The following NXPH1 variants were observed in gnomAD, a reference collection of about 807,000 sequenced individuals.
The protein encoded by NXPH1 is neurexophilin 1.
NXPH1 carries 5 observed loss-of-function variants against 23.7 expected under a neutral mutation model. That is an observed-to-expected ratio of 0.21 (90% CI 0.11 to 0.44). NXPH1 has a LOEUF of 0.44. NXPH1 is among the 20% of genes least tolerant of loss of function. The pLI is 0.99. For synonymous variants in NXPH1, 144 were observed against 122.2 expected (o/e 1.18, Z -1.18); for missense variants, 324 against 321.6 (o/e 1.01, Z -0.06).
intron 2 of NXPH1, among the ~76,000 whole-genome samples, chr7:8,680,816 C>A (rs2115176378): frequency 6.6e-6 from 1 of 152,320 alleles, no homozygotes; most frequent in East Asian, 1.9e-4. Context: ...TGATCAGCAT[C>A]TTTTATATGC....
intron 2 of NXPH1, among the ~76,000 whole-genome samples, chr7:8,547,797 C>T (rs1474253492): frequency 6.6e-6 from 1 of 151,488 alleles, no homozygotes; most frequent in African/African-American, 2.4e-5. Flanking sequence ...TAATGACCTC[C>T]ACCTCCATCC....
At chr7:8,583,512 CATTATT>C (rs368929886) in intron 2 of NXPH1, among the ~76,000 whole-genome samples, 11 of 152,186 alleles carry the variant, frequency 7.2e-5, no homozygotes, top group Non-Finnish European at 1.3e-4. Context: ...TGTTTGCTAT[CATTATT>C]ATTATTATTA....
At chr7:8,551,930 T>C (rs1171224449) in intron 2 of NXPH1, among the ~76,000 whole-genome samples, 1 of 151,362 alleles carries the variant, frequency 6.6e-6, no homozygotes, top group Non-Finnish European at 1.5e-5. Context: ...GCTTTAAAGA[T>C]GTGCATATTT....
intron 2 of NXPH1, among the ~76,000 whole-genome samples, chr7:8,689,112 C>T (rs898546583): frequency 6.6e-6 from 1 of 152,224 alleles, no homozygotes; most frequent in East Asian, 1.9e-4. Flanking sequence ...CATTCATTAT[C>T]TAATTGATAG....
At chr7:8,515,891 C>G (rs1045078479) in intron 2 of NXPH1, among the ~76,000 whole-genome samples, 1 of 152,128 alleles carries the variant, frequency 6.6e-6, no homozygotes, top group African/African-American at 2.4e-5. Flanking sequence ...ACTCATTACT[C>G]TGCTATCTTA....
chr7:8,715,944 T>C (rs1583243499), intron 2 of NXPH1, among the ~76,000 whole-genome samples: 1 of 152,272 alleles, frequency 6.6e-6, no homozygotes, highest in East Asian at 1.9e-4. Flanking sequence ...TACATATATA[T>C]ATAAATGTAT....
intron 2 of NXPH1, among the ~76,000 whole-genome samples, chr7:8,436,489 A>G (rs1291149592): frequency 6.6e-6 from 1 of 152,184 alleles, no homozygotes; most frequent in Non-Finnish European, 1.5e-5. Flanking sequence ...CTTCAGTAGC[A>G]GAGTTTTCCG....
intron 2 of NXPH1, among the ~76,000 whole-genome samples, chr7:8,570,523 G>C (rs1818624198): frequency 2.0e-5 from 3 of 152,050 alleles, no homozygotes; most frequent in Non-Finnish European, 4.4e-5. Flanking sequence ...TGTAGAAAGT[G>C]ATGTGCGAAG....
chr7:8,462,494 A>C (rs1188512457), intron 2 of NXPH1, among the ~76,000 whole-genome samples: 2 of 152,222 alleles, frequency 1.3e-5, no homozygotes, highest in African/African-American at 4.8e-5. Flanking sequence ...AAAAAACTGA[A>C]GGATACAGAG....
intron 2 of NXPH1, among the ~76,000 whole-genome samples, chr7:8,513,458 A>G (rs766890379): frequency 6.6e-6 from 1 of 152,134 alleles, no homozygotes; most frequent in East Asian, 1.9e-4. Flanking sequence ...TTGGTTGCAG[A>G]AATATTAAAG....
At chr7:8,748,348 T>A (rs746333750) in intron 2 of NXPH1, among the ~76,000 whole-genome samples, 9 of 152,174 alleles carry the variant, frequency 5.9e-5, no homozygotes, top group Non-Finnish European at 1.3e-4. Context: ...GGGAAGTACT[T>A]ACAACTAAAA....
At chr7:8,683,939 A>G (rs776743114) in intron 2 of NXPH1, among the ~76,000 whole-genome samples, 31 of 152,196 alleles carry the variant, frequency 2.0e-4, no homozygotes, top group Non-Finnish European at 3.5e-4. Context: ...CCTTATTTCT[A>G]CTATGAGTCT....
At chr7:8,457,079 T>G (rs1378160648) in intron 2 of NXPH1, among the ~76,000 whole-genome samples, 1 of 152,184 alleles carries the variant, frequency 6.6e-6, no homozygotes, top group East Asian at 1.9e-4. Flanking sequence ...TTAAAAACAT[T>G]GTGTAGGAAC....
rs1350834079 is a variant in NXPH1, at chr7:8,442,601, TC to T, written c.54+6835del. ...TTCTACAAGAAGCAAGAAACTTTTT[TC>T]GACGTAGGCTTCATACCCTCCCTTC... On this transcript the variant is annotated intron_variant, in intron 2 of 2. Transcript: ENST00000405863. This position sits in a 1 kb window ranked among gnomAD's most constrained non-coding sequence, Gnocchi z 4.6. 6.6e-6 allele frequency among the ~76,000 whole-genome samples: 1 copy of T among 152,244 alleles called. No individual in the cohort carries two copies. Among genetic ancestry groups the T allele is most frequent in the African/African-American group, 2.4e-5 (1 of 41,470 alleles).
intron 2 of NXPH1, among the ~76,000 whole-genome samples, chr7:8,529,971 T>G (rs1817924768): frequency 1.3e-5 from 2 of 152,330 alleles, no homozygotes; most frequent in African/African-American, 4.8e-5. Context: ...AGTAAGTTGG[T>G]GATTTTAGAG....
intron 2 of NXPH1, among the ~76,000 whole-genome samples, chr7:8,593,652 T>C (rs1819152290): frequency 6.6e-6 from 1 of 152,056 alleles, no homozygotes; most frequent in Non-Finnish European, 1.5e-5. Context: ...TCATTAATAA[T>C]ACACCAGTAG....
intron 2 of NXPH1, among the ~76,000 whole-genome samples, chr7:8,623,445 G>A (rs1297195277): frequency 1.3e-5 from 2 of 151,962 alleles, no homozygotes; most frequent in East Asian, 1.9e-4. Flanking sequence ...GTAACACAAA[G>A]TAAACTGTCA....
intron 2 of NXPH1, among the ~76,000 whole-genome samples, chr7:8,603,913 C>T (rs1430917516): frequency 6.6e-6 from 1 of 152,076 alleles, no homozygotes; most frequent in Non-Finnish European, 1.5e-5. Context: ...GAAAGTAAAT[C>T]TTTAATTCTG....
In NXPH1 at chr7:8,616,428, T is replaced by C. The variant is rs78545519; in HGVS notation, c.55-134580T>C. 7.1e-4 allele frequency among the ~76,000 whole-genome samples: 108 copies of C among 152,178 alleles called. 1 individual carries two copies. In the East Asian group the frequency reaches 0.018, roughly 26 times the overall value. ...ATCCCACATTTTATAAATTTACTTG[T>C]TTATTTTTTGTTCTCCCTCGTCATC... On this transcript the variant is annotated intron_variant, in intron 2 of 2. Coordinates refer to ENST00000405863, the MANE Select transcript of NXPH1 (RefSeq NM_152745.3).
Sources: gnomAD v4.1 joint callset for allele counts (sites outside exome capture counted in the v4.1 genomes callset) on GRCh38, gnomAD v4.1.1 for gene constraint, Gnocchi (gnomAD v3.1) non-coding constraint, MANE v1.5 for transcripts, NCBI Gene and HGNC (gene_info 2026-07-23, HGNC 2026-07-21) for gene names.